KRT2: variants seen among roughly 807,000 people sequenced by gnomAD.
KRT2 encodes the protein keratin, type II cytoskeletal 2 epidermal.
In KRT2, 37 loss-of-function variants were observed where a neutral mutation model predicts 48.5. The ratio of observed to expected loss-of-function variants is 0.76; its 90% confidence interval spans 0.59 to 1.00. The LOEUF is 1.00. Among genes scored for constraint, KRT2 ranks in the 50% least tolerant of loss-of-function variants. The probability of loss-of-function intolerance (pLI) is 0.00; values close to 1 mark genes in which losing one functional copy is unlikely to be tolerated. For missense variants in KRT2, 880 were observed against 815.2 expected, an observed-to-expected ratio of 1.08 and a Z score of -0.97; for synonymous variants, 324 against 312.2, an observed-to-expected ratio of 1.04 and a Z score of -0.40.
Position 52,651,742 on chromosome 12 carries a change from C to T in KRT2, c.401G>A (p.Gly134Asp), listed in dbSNP as rs1565640773. The change falls in exon 1 of 9, where the codon GGT becomes GAT. Residue 134 changes from glycine (G) to aspartate (D), a missense_variant. Gly to Asp is a moderately conservative substitution (Grantham distance 94). Transcript: ENST00000309680. ...CCCAAAGCCACCAGGACCCCCTAAA[C>T]CTCCAACACCACCAGGGCCCCCAAA... ...GGFGGPGGVGGLGGPGGFGPG... is the reference protein window; with the variant it reads ...GGFGGPGGVGDLGGPGGFGPG... 6.2e-7 allele frequency: 1 copy of T among 1,613,968 alleles called. No homozygotes were observed. The highest frequency in any genetic ancestry group is 2.2e-5 in the East Asian group (1 of 44,864).
Position 52,650,467 on chromosome 12 carries a change from G to A in KRT2, c.672C>T (p.Asn224=), listed in dbSNP as rs759110656. The stretch of plus-strand genomic sequence containing the variant: ...TATACCCCTGGAAGATGGGCTCCAG[G>A]TTGATGGGGCGGGTGCCAACATTCA... ...QQMNVGTRPI[N]LEPIFQGYID... The change falls in exon 2 of 9, where the codon AAC becomes AAT. Residue 224 remains asparagine (N), a synonymous_variant. Transcript: ENST00000309680. 5.0e-6 allele frequency: 8 copies of A among 1,614,062 alleles called. No homozygotes were observed. In the South Asian group the frequency reaches 7.7e-5, roughly 16 times the overall value.
In KRT2 at chr12:52,649,025, C is replaced by T; in HGVS notation, c.939G>A (p.Leu313=). 1 of 1,611,036 alleles carries T rather than the reference C, an allele frequency of 6.2e-7. No individual in the cohort carries two copies. The change falls in exon 4 of 9, where the codon CTG becomes CTA. Residue 313 remains leucine (L), a synonymous_variant. Coordinates refer to ENST00000309680, the MANE Select transcript of KRT2 (RefSeq NM_000423.3). ...VDLLNQEIEF[L]KVLYDAEISQ... Reference sequence around the variant, plus strand: ...TCCTTACCGCATCATAGAGAACTTTCAGAAACTCAATTTCCTGGTTCAGCA... The same window carrying T: ...TCCTTACCGCATCATAGAGAACTTTTAGAAACTCAATTTCCTGGTTCAGCA...
intron 3 of KRT2, among the ~76,000 whole-genome samples, chr12:52,649,505 C>T (rs1397217154): frequency 6.6e-6 from 1 of 152,202 alleles, no homozygotes; most frequent in Non-Finnish European, 1.5e-5. Context: ...CCCTGCAGGA[C>T]CCAGCAGGAG....
At position 52,645,553 on chromosome 12, in the gene KRT2, T is replaced by A; in HGVS notation, c.1486A>T (p.Ser496Cys). 6.2e-7 allele frequency: 1 copy of A among 1,614,224 alleles called. No homozygotes were observed. The highest frequency in any genetic ancestry group is 8.5e-7 in the Non-Finnish European group (1 of 1,180,028). Residue 496 changes from serine (S) to cysteine (C), a missense_variant, in exon 8 of 9, where the codon AGC becomes TGC. Coordinates refer to ENST00000309680, the MANE Select transcript of KRT2 (RefSeq NM_000423.3). ...GEECRMSGDL[S>C]SNVTVSVTSS... ...TACTTACACACAGTCACATTGCTGC[T>A]GAGGTCTCCAGACATCCTGTAAGGG...
Position 52,650,476 on chromosome 12 carries a change from G to C in KRT2, c.663C>G (p.Arg221=). Residue 221 remains arginine (R), a synonymous_variant, in exon 2 of 9, where the codon CGC becomes CGG. Transcript: ENST00000309680. The part of the protein sequence containing the change: ...ELLQQMNVGT[R]PINLEPIFQG... ...GGAAGATGGGCTCCAGGTTGATGGGGCGGGTGCCAACATTCATTTGTTGTA... is the reference window on the plus strand; with the variant it reads ...GGAAGATGGGCTCCAGGTTGATGGGCCGGGTGCCAACATTCATTTGTTGTA... 6.2e-7 allele frequency: 1 copy of C among 1,613,966 alleles called. No homozygotes were observed.
chr12:52,652,148 C>G lies in KRT2; in HGVS notation c.-6G>C. The G allele has an allele frequency of 6.5e-7, 1 of 1,535,058 alleles. No homozygotes were observed. On this transcript the variant is annotated 5_prime_UTR_variant, in exon 1 of 9. Coordinates refer to ENST00000309680, the MANE Select transcript of KRT2 (RefSeq NM_000423.3). ...CAAGAGATCTGACAACTCATGATGC[C>G]TTTGTCCAGGGAGGAAAGTCACAGG... is the stretch of plus-strand genomic sequence containing the variant.
At position 52,651,854 on chromosome 12, in the gene KRT2, C is replaced by CA; in HGVS notation, c.288dup (p.Gly97TrpfsTer72). The CA allele has an allele frequency of 6.2e-7, 1 of 1,605,340 alleles. No homozygotes were observed. Among genetic ancestry groups the CA allele is most frequent in the Non-Finnish European group, 8.5e-7 (1 of 1,175,150 alleles). On this transcript the variant is annotated frameshift_variant, in exon 1 of 9. Transcript: ENST00000309680. LOFTEE classifies it high-confidence loss of function. ...CCACCTCCAAAGCTGCTGCCGCCTC[C>CA]AAAACCACCTCCTCTGCCACCAAAT...
intron 1 of KRT2, 151 bp downstream of exon 1, chr12:52,651,407 C>A (rs368975803): frequency 1.4e-6 from 1 of 705,114 alleles, no homozygotes; most frequent in Non-Finnish European, 2.6e-6. Flanking sequence ...ACAAAGCTGG[C>A]GTCTTTTCCA....
intron 3 of KRT2, 25 bp from the exon 4 acceptor site, chr12:52,649,127 G>A (rs201470109): frequency 2.1e-6 from 3 of 1,427,344 alleles, no homozygotes; most frequent in African/African-American, 2.8e-5. Flanking sequence ...GAGGCCTCTG[G>A]TGTATGGTTC....
At position 52,646,852 on chromosome 12, in the gene KRT2, T is replaced by A; in HGVS notation, c.1357A>T (p.Lys453Ter). 1 of 1,614,162 alleles carries A rather than the reference T, an allele frequency of 6.2e-7. No individual in the cohort carries two copies. Among genetic ancestry groups the A allele is most frequent in the Non-Finnish European group, 8.5e-7 (1 of 1,180,004 alleles). ...NDLEEALQQAKEDLARLLRDY... is the reference protein window; with the variant it reads ...NDLEEALQQA Reference sequence around the variant, plus strand: ...CGCAGCAGCCGCGCCAAGTCCTCCTTGGCCTGCTGCAGGGCCTCCTCCAGG... The same window carrying A: ...CGCAGCAGCCGCGCCAAGTCCTCCTAGGCCTGCTGCAGGGCCTCCTCCAGG... Residue 453 changes from lysine to a stop codon, truncating the protein, a stop_gained, in exon 7 of 9, where the codon AAG becomes TAG. Transcript: ENST00000309680. LOFTEE classifies it high-confidence loss of function.
chr12:52,651,915 C>T lies in KRT2; in HGVS notation c.228G>A (p.Val76=). The change falls in exon 1 of 9, where the codon GTG becomes GTA. Residue 76 remains valine (V), a synonymous_variant. Transcript: ENST00000309680. ...CGCCAAAGCCACCACCTCCTCCAGCCACACTAATGGAGATGCTCTTGGTCC... is the reference window on the plus strand; with the variant it reads ...CGCCAAAGCCACCACCTCCTCCAGCTACACTAATGGAGATGCTCTTGGTCC... ...LGGTKSISIS[V]AGGGGGFGAA... The T allele has an allele frequency of 2.5e-6, 4 of 1,613,938 alleles. No homozygotes were observed. The highest frequency in any genetic ancestry group is 3.4e-6 in the Non-Finnish European group (4 of 1,179,950).
intron 1 of KRT2, 161 bp from the exon 2 acceptor site, chr12:52,650,714 C>T (rs1161132066): frequency 1.1e-5 from 8 of 698,640 alleles, no homozygotes; most frequent in Middle Eastern, 3.7e-4. Flanking sequence ...TCCCTGCTTT[C>T]GCCCCTGGAA....
chr12:52,648,631 G>A (rs1941204431), intron 4 of KRT2, among the ~76,000 whole-genome samples: 1 of 152,142 alleles, frequency 6.6e-6, no homozygotes. Context: ...TGGACTTCCT[G>A]TTTCAGAAAT....
In KRT2 at chr12:52,649,935, A is replaced by T. The variant is rs1272921944; in HGVS notation, c.840T>A (p.Asn280Lys). Residue 280 changes from asparagine (N) to lysine (K), a missense_variant, in exon 3 of 9, where the codon AAT becomes AAA. Transcript: ENST00000309680. ...DEINKRTAAE[N>K]DFVTLKKDVD... is the part of the protein sequence containing the mutation. The stretch of plus-strand genomic sequence containing the variant: ...TCACCTTTTTAAGCGTCACAAAATC[A>T]TTCTCAGCAGCTGTGCGCTTATTGA... The T allele has an allele frequency of 6.2e-7, 1 of 1,613,816 alleles. No homozygotes were observed. The highest frequency in any genetic ancestry group is 1.7e-5 in the Admixed American group (1 of 60,004).
At position 52,648,195 on chromosome 12, in the gene KRT2, G is replaced by T. The variant is rs765417535; in HGVS notation, c.1100C>A (p.Ala367Glu). ...TGCCTTGCTGTGGTACAGGGCCTCC[G>T]CTTCTTCCTTGCTCCTCTGGGCGAT... ...EEIAQRSKEE[A>E]EALYHSKYEE... Residue 367 changes from alanine (A) to glutamate (E), a missense_variant, in exon 5 of 9, where the codon GCG becomes GAG. Ala to Glu is a moderately radical substitution (Grantham distance 107). Coordinates refer to ENST00000309680, the MANE Select transcript of KRT2 (RefSeq NM_000423.3). The T allele has an allele frequency of 6.2e-7, 1 of 1,614,010 alleles. No homozygotes were observed. The highest frequency in any genetic ancestry group is 1.3e-5 in the African/African-American group (1 of 74,892).
At chr12:52,650,016 T>C in intron 2 of KRT2, 42 bp from the exon 3 acceptor site, 3 of 1,457,220 alleles carry the variant, frequency 2.1e-6, no homozygotes, top group Non-Finnish European at 2.9e-6. Context: ...TTAGTTCCCC[T>C]TCATTTTTTT....
Position 52,646,820 on chromosome 12 carries a change from G to C in KRT2, c.1389C>G (p.Tyr463Ter). Residue 463 changes from tyrosine to a stop codon, truncating the protein, a stop_gained, in exon 7 of 9, where the codon TAC becomes TAG. Transcript: ENST00000309680. LOFTEE classifies it high-confidence loss of function. ...CCAGCTTCACGTTCATCAGCTCCTG[G>C]TAGTCACGCAGCAGCCGCGCCAAGT... is the stretch of plus-strand genomic sequence containing the variant. ...KEDLARLLRD[Y>*]QELMNVKLAL... The C allele has an allele frequency of 6.2e-7, 1 of 1,614,128 alleles. No homozygotes were observed. The highest frequency in any genetic ancestry group is 8.5e-7 in the Non-Finnish European group (1 of 1,180,006).
chr12:52,650,118 C>A, intron 2 of KRT2, 144 bp from the exon 3 acceptor site: 1 of 779,172 alleles, frequency 1.3e-6, no homozygotes, highest in South Asian at 1.5e-5. Flanking sequence ...CTAAGATTTC[C>A]AAACTAAAGA....
chr12:52,646,011 C>G (rs1454401457), intron 7 of KRT2, among the ~76,000 whole-genome samples: 1 of 152,228 alleles, frequency 6.6e-6, no homozygotes, highest in African/African-American at 2.4e-5. Flanking sequence ...TTCCCACCCT[C>G]TTCAGCTTCA....
Sources: allele counts gnomAD v4.1 joint callset (sites outside exome capture counted in the v4.1 genomes callset), GRCh38; gene constraint gnomAD v4.1.1; transcripts MANE v1.5; gene names NCBI Gene and HGNC (gene_info 2026-07-23, HGNC 2026-07-21).